Variants in SCAF11 observed in about 807,000 individuals in gnomAD.
SCAF11 encodes the protein protein SCAF11.
A neutral mutation model predicts 140.5 loss-of-function variants in SCAF11; 47 were observed. The ratio of observed to expected loss-of-function variants is 0.33; its 90% CI spans 0.26 to 0.43. The LOEUF (loss-of-function observed/expected upper bound fraction) is 0.43, where lower values mean the gene tolerates loss of function less well. SCAF11 is among the 20% of genes least tolerant of loss of function. The pLI is 1.00. For synonymous variants in SCAF11, 557 were observed against 579.4 expected, an observed-to-expected ratio of 0.96 and a Z score of 0.55; for missense variants, 1,645 against 1,705.1, an observed-to-expected ratio of 0.96 and a Z score of 0.62.
Position 45,927,003 on chromosome 12 carries a change from C to A in SCAF11, c.2698G>T (p.Asp900Tyr). The change falls in exon 11 of 15, where the codon GAT becomes TAT. Residue 900 changes from aspartate to tyrosine, a missense_variant. Transcript: ENST00000369367. The stretch of plus-strand genomic sequence containing the variant: ...CTGGATTTTTCTCCTGGGGAAGAAT[C>A]TTTCACTCTTGGCTGAGATCTTTTG... ...ENKRSQPRVKDSSPGEKSRSQ... is the reference protein window; with the variant it reads ...ENKRSQPRVKYSSPGEKSRSQ... 6.2e-7 allele frequency: 1 copy of A among 1,613,480 alleles called. No homozygotes were observed. Among genetic ancestry groups the A allele is most frequent in the Non-Finnish European group, 8.5e-7 (1 of 1,180,024 alleles).
chr12:45,953,851 A>G (rs1182616897), intron 3 of SCAF11: 1 of 976,470 alleles, frequency 1.0e-6, no homozygotes, highest in African/African-American at 1.7e-5. Context: ...ATGGGAATAA[A>G]TAATTCCTAG....
intron 6 of SCAF11, among the ~76,000 whole-genome samples, chr12:45,941,486 C>A (rs1398745967): frequency 6.6e-6 from 1 of 152,144 alleles, no homozygotes; most frequent in South Asian, 2.1e-4. Flanking sequence ...CACTGCTGTA[C>A]ATCTATACAT....
At position 45,990,511 on chromosome 12, in the gene SCAF11, G is replaced by T; in HGVS notation, c.-180C>A. 8.1e-7 allele frequency: 1 copy of T among 1,232,054 alleles called. No individual in the cohort carries two copies. Among genetic ancestry groups the T allele is most frequent in the Non-Finnish European group, 1.0e-6 (1 of 988,252 alleles). 76.3% of individuals were successfully genotyped at this position (1,232,054 alleles called of 1,614,324 possible). On this transcript the variant is annotated 5_prime_UTR_variant, in exon 1 of 15. Coordinates refer to ENST00000369367, the MANE Select transcript of SCAF11 (RefSeq NM_004719.3). ...CTGACTCCGCTGGCTCGGTCCGGAGGCGGCGGCGAAGCAGGGAGCGACCCA... is the reference window on the plus strand; with the variant it reads ...CTGACTCCGCTGGCTCGGTCCGGAGTCGGCGGCGAAGCAGGGAGCGACCCA...
Position 45,924,927 on chromosome 12 carries a change from T to C in SCAF11, c.3707A>G (p.His1236Arg). 6.2e-7 allele frequency: 1 copy of C among 1,614,172 alleles called. No homozygotes were observed. The highest frequency in any genetic ancestry group is 8.5e-7 in the Non-Finnish European group (1 of 1,180,030). The change falls in exon 12 of 15, where the codon CAT becomes CGT. Residue 1236 changes from histidine to arginine, a missense_variant. By Grantham distance (29) the His-to-Arg change is conservative. This residue lies in a region of SCAF11 where 1,582 missense variants were observed against 1,609.2 expected (regional missense o/e 0.98). Transcript: ENST00000369367. ...GCGTTGGATGTTCATCAAAGGAGCA[T>C]GAACACCCACTGGATATGGGAAGAT... ...MNIFPYPVGV[H>R]APLMNIQRNP...
At chr12:45,926,061 A>T (rs2136501518) in intron 11 of SCAF11, 81 bp downstream of exon 11, 1 of 1,402,680 alleles carries the variant, frequency 7.1e-7, no homozygotes, top group East Asian at 2.4e-5. Context: ...AATAAGGATC[A>T]TTTCAACTCA....
At chr12:45,976,344 C>T (rs1047435330) in intron 1 of SCAF11, among the ~76,000 whole-genome samples, 12 of 152,142 alleles carry the variant, frequency 7.9e-5, no homozygotes, top group Non-Finnish European at 1.5e-5. Context: ...AGAGAGCCCA[C>T]ATTCACATAA....
chr12:45,969,953 A>T (rs971309805), intron 1 of SCAF11, among the ~76,000 whole-genome samples: 1 of 152,118 alleles, frequency 6.6e-6, no homozygotes, highest in Non-Finnish European at 1.5e-5. Context: ...GCTGGAGTGC[A>T]GTGGCGCATC....
At chr12:45,956,037 T>C (rs781455359) in intron 3 of SCAF11, 175 of 703,294 alleles carry the variant, frequency 2.5e-4, no homozygotes, top group Non-Finnish European at 3.8e-4. Context: ...CCTACTATTC[T>C]GAAGCATTAT....
intron 4 of SCAF11, among the ~76,000 whole-genome samples, chr12:45,949,632 G>T (rs1233667810): frequency 6.6e-6 from 1 of 151,760 alleles, no homozygotes; most frequent in African/African-American, 2.4e-5. Flanking sequence ...ATGAGGGAGA[G>T]AAAACTGGAA....
chr12:45,974,074 A>C, intron 1 of SCAF11: 4 of 407,092 alleles, frequency 9.8e-6, no homozygotes, highest in Admixed American at 2.8e-5. Flanking sequence ...TATTGCAATA[A>C]AGCAAGTCAC....
chr12:45,950,501 CT>C (rs1229123053), intron 4 of SCAF11, among the ~76,000 whole-genome samples: 3 of 152,138 alleles, frequency 2.0e-5, no homozygotes, highest in African/African-American at 7.2e-5. Context: ...TATTTGGAAT[CT>C]ACTTTACACT....
upstream of SCAF11, among the ~76,000 whole-genome samples, chr12:45,990,840 C>G (rs1236633743): frequency 3.3e-5 from 5 of 152,218 alleles, no homozygotes; most frequent in Admixed American, 6.5e-5. Context: ...GGAGGAAGGG[C>G]AGCTGCGCTG....
chr12:45,972,979 GATATATAGATATAGATATATAGAT>G (rs1565689342), intron 1 of SCAF11, among the ~76,000 whole-genome samples: 1 of 128,360 alleles, frequency 7.8e-6, no homozygotes, highest in African/African-American at 3.7e-5. Flanking sequence ...TAGATATATA[GATATATAGATATAGATATATAGAT>G]ATATATATAG....
intron 1 of SCAF11, among the ~76,000 whole-genome samples, chr12:45,980,210 C>T (rs1322725914): frequency 6.6e-6 from 1 of 152,180 alleles, no homozygotes; most frequent in Non-Finnish European, 1.5e-5. Flanking sequence ...TAATCCAAGT[C>T]ACCAGAAATC....
chr12:45,964,033 A>G, intron 2 of SCAF11, 74 bp downstream of exon 2: 1 of 748,342 alleles, frequency 1.3e-6, no homozygotes. Context: ...GTATTCTGAA[A>G]TGTATACAAG....
Position 45,948,635 on chromosome 12 carries a change from T to C in SCAF11, c.298-98A>G, listed in dbSNP as rs11574966. ...ATGATTAAAATTACAGAAACAAAAC[T>C]GTCCAATTAAAAAGTGTAGTCCAAA... On this transcript the variant is annotated intron_variant, in intron 4 of 14. Coordinates refer to ENST00000369367, the MANE Select transcript of SCAF11 (RefSeq NM_004719.3). 1,472 of 741,674 alleles carry C rather than the reference T, an allele frequency of 2.0e-3. 20 individuals carry two copies. In the African/African-American group the frequency reaches 0.024, roughly 12 times the overall value. 45.9% of individuals were successfully genotyped at this position (741,674 alleles called of 1,614,324 possible).
At chr12:45,926,096 ATTC>A (rs1301136963) in intron 11 of SCAF11, 43 bp downstream of exon 11, 1 of 1,506,390 alleles carries the variant, frequency 6.6e-7, no homozygotes, top group Non-Finnish European at 8.9e-7. Flanking sequence ...TAAATTTATA[ATTC>A]TTCAAATAAA....
At chr12:45,938,681 G>A (rs1017658899) in intron 6 of SCAF11, among the ~76,000 whole-genome samples, 5 of 151,622 alleles carry the variant, frequency 3.3e-5, no homozygotes, top group African/African-American at 4.8e-5. Context: ...ACACTAATCC[G>A]AAAGGATGTT....
rs954861209 is a variant in SCAF11 at position 45,990,382 on chromosome 12, G to A, written c.-51C>T. 12 of 1,232,268 alleles carry A rather than the reference G, an allele frequency of 9.7e-6. No individual in the cohort carries two copies. The highest frequency in any genetic ancestry group is 3.1e-5 in the African/African-American group (2 of 64,430). 76.3% of individuals were successfully genotyped at this position (1,232,268 alleles called of 1,614,324 possible). ...GACCGAGGTCGAGGCGCTCGGTCCG[G>A]CCGCGGCCCCACAGTAGGTTCCCAG... is the stretch of plus-strand genomic sequence containing the variant. On this transcript the variant is annotated 5_prime_UTR_variant, in exon 1 of 15. Transcript: ENST00000369367.
Sources: gnomAD v4.1 joint callset for allele counts (sites outside exome capture counted in the v4.1 genomes callset) on GRCh38, gnomAD v4.1.1 for gene constraint, gnomAD v4.1.1 regional missense constraint, MANE v1.5 for transcripts, NCBI Gene and HGNC (gene_info 2026-07-23, HGNC 2026-07-21) for gene names.